The following EXOC4 variants were observed in gnomAD, a reference collection of about 807,000 sequenced individuals.
EXOC4 encodes the protein exocyst complex component 4.
In EXOC4, 71 loss-of-function variants were observed where a neutral mutation model predicts 107.2. The observed-to-expected ratio is 0.66, with a 90% CI of 0.55 to 0.81. The LOEUF is 0.81. Among genes scored for constraint, EXOC4 ranks in the 30% least tolerant of loss-of-function variants. The pLI is 0.00. For missense variants in EXOC4, 1,108 were observed against 1,189.6 expected, an observed-to-expected ratio of 0.93 and a Z score of 1.01; for synonymous variants, 456 against 441.2, an observed-to-expected ratio of 1.03 and a Z score of -0.42.
At chr7:133,619,186 A>C (rs1372532083) in intron 9 of EXOC4, among the ~76,000 whole-genome samples, 1 of 152,176 alleles carries the variant, frequency 6.6e-6, no homozygotes, top group Non-Finnish European at 1.5e-5. Context: ...CTTTATCAGT[A>C]AGCTAAATGG....
chr7:134,090,893 C>G, the EXOC4 span, among the ~76,000 whole-genome samples: 2 of 152,024 alleles, frequency 1.3e-5, no homozygotes, highest in Non-Finnish European at 2.9e-5. Flanking sequence ...CGAGAGGGGC[C>G]TCTAACCCAC....
intron 7 of EXOC4, among the ~76,000 whole-genome samples, chr7:133,445,317 A>G (rs1798193434): frequency 6.6e-6 from 1 of 152,204 alleles, no homozygotes; most frequent in African/African-American, 2.4e-5. Flanking sequence ...AGTGCTTTAT[A>G]GTTAACACAC....
intron 17 of EXOC4, among the ~76,000 whole-genome samples, chr7:134,010,526 G>A (rs1392536052): frequency 2.0e-5 from 3 of 152,004 alleles, no homozygotes; most frequent in Admixed American, 1.3e-4. Flanking sequence ...GACAGGTTTT[G>A]TGAAAGGGGC....
chr7:133,914,896 T>C (rs1317041195), intron 12 of EXOC4, among the ~76,000 whole-genome samples: 1 of 151,958 alleles, frequency 6.6e-6, no homozygotes, highest in South Asian at 2.1e-4. Context: ...CCAAAGAATA[T>C]AAAGCCACTT....
At chr7:133,399,946 T>C (rs1354468587) in intron 7 of EXOC4, among the ~76,000 whole-genome samples, 2 of 152,288 alleles carry the variant, frequency 1.3e-5, no homozygotes, top group East Asian at 3.9e-4. Flanking sequence ...TAAGTAGAGG[T>C]CAGATATCTA....
intron 8 of EXOC4, among the ~76,000 whole-genome samples, chr7:133,477,127 C>G (rs1490953346): frequency 6.6e-6 from 1 of 152,156 alleles, no homozygotes; most frequent in Non-Finnish European, 1.5e-5. Context: ...GTATTAGCGT[C>G]TGTTTGTTAG....
intron 11 of EXOC4, among the ~76,000 whole-genome samples, chr7:133,841,153 G>A (rs149525646): frequency 1.6e-3 from 236 of 152,238 alleles, no homozygotes; most frequent in Admixed American, 3.1e-3. Context: ...CTCACAGGGC[G>A]GAAGGGGTGA....
intron 11 of EXOC4, among the ~76,000 whole-genome samples, chr7:133,852,225 AT>A (rs5887646): frequency 0.016 from 2,300 of 141,746 alleles, 43 homozygotes; most frequent in African/African-American, 0.049. Flanking sequence ...TGTATAGAGC[AT>A]TTTTTTTTTT....
intron 12 of EXOC4, among the ~76,000 whole-genome samples, chr7:133,910,067 G>A (rs1474843741): frequency 7.0e-6 from 1 of 143,618 alleles, no homozygotes; most frequent in Non-Finnish European, 1.5e-5. Flanking sequence ...GGGATCACAG[G>A]CATGTGCCAC....
chr7:133,661,673 A>AAAAAAAC (rs1793684047), intron 10 of EXOC4, among the ~76,000 whole-genome samples: 1 of 20,566 alleles, frequency 4.9e-5, no homozygotes, highest in South Asian at 2.4e-3. Flanking sequence ...CCTTAAAACT[A>AAAAAAAC]AAAAAAAAAA....
chr7:133,834,805 G>A (rs918585379), intron 11 of EXOC4, among the ~76,000 whole-genome samples: 3 of 152,128 alleles, frequency 2.0e-5, no homozygotes, highest in African/African-American at 7.2e-5. Flanking sequence ...TAGTTTGGCC[G>A]TGTCCCCACC....
intron 14 of EXOC4, among the ~76,000 whole-genome samples, chr7:133,977,894 G>A (rs894566988): frequency 6.6e-6 from 1 of 152,146 alleles, no homozygotes; most frequent in Non-Finnish European, 1.5e-5. Context: ...AGAGAATGGA[G>A]ACTGAAAAAT....
At chr7:133,539,095 C>G (rs920426753) in intron 9 of EXOC4, among the ~76,000 whole-genome samples, 5 of 152,000 alleles carry the variant, frequency 3.3e-5, no homozygotes, top group African/African-American at 1.2e-4. Context: ...CTGTGGTATG[C>G]TTAAGCCTCT....
chr7:134,072,818 G>C, the EXOC4 span, among the ~76,000 whole-genome samples: 18 of 152,222 alleles, frequency 1.2e-4, no homozygotes, highest in East Asian at 3.3e-3. Flanking sequence ...TATCCTGTCT[G>C]TTTCTTTGAG....
At chr7:133,305,405 A>G (rs1794729932) in intron 3 of EXOC4, among the ~76,000 whole-genome samples, 1 of 152,202 alleles carries the variant, frequency 6.6e-6, no homozygotes, top group African/African-American at 2.4e-5. Context: ...AGAGTGAGAG[A>G]GAGCCCGACT....
Position 133,363,622 on chromosome 7 carries a change from A to AAC in EXOC4, c.1007+7050_1007+7051insCA, listed in dbSNP as rs962828615. 2.8e-4 allele frequency among the ~76,000 whole-genome samples: 43 copies of AAC among 151,952 alleles called. 2 individuals are homozygous for AAC. The highest frequency in any genetic ancestry group is 1.0e-3 in the African/African-American group (43 of 41,384). ...ATGTGGCAAAGTTAAAAAAAAAAAA[A>AAC]AAAAAAACCTACTCTCGATTTCTCT... On this transcript the variant is annotated intron_variant, in intron 6 of 17. Coordinates refer to ENST00000253861, the MANE Select transcript of EXOC4 (RefSeq NM_021807.4).
intron 11 of EXOC4, among the ~76,000 whole-genome samples, chr7:133,829,109 C>T (rs1415686559): frequency 6.6e-6 from 1 of 152,130 alleles, no homozygotes. Flanking sequence ...GTGACCTGAA[C>T]AACAGTCACA....
intron 6 of EXOC4, among the ~76,000 whole-genome samples, chr7:133,374,512 A>G (rs748702159): frequency 1.3e-5 from 2 of 152,216 alleles, no homozygotes; most frequent in Admixed American, 1.3e-4. Flanking sequence ...TAGTAGTAGT[A>G]TTGTAATCCG....
At chr7:133,866,487 A>G (rs979750018) in intron 11 of EXOC4, among the ~76,000 whole-genome samples, 1 of 152,232 alleles carries the variant, frequency 6.6e-6, no homozygotes, top group South Asian at 2.1e-4. Context: ...TAATGTAGCT[A>G]GAGAGGCTCT....
Sources: gnomAD v4.1 joint callset for allele counts (sites outside exome capture counted in the v4.1 genomes callset) on GRCh38, gnomAD v4.1.1 for gene constraint, MANE v1.5 for transcripts, NCBI Gene and HGNC (gene_info 2026-07-23, HGNC 2026-07-21) for gene names.